Variants in SLC39A9 observed in about 807,000 individuals in gnomAD.
The protein encoded by SLC39A9 is solute carrier family 39 member 9.
In SLC39A9, 14 loss-of-function variants were observed where a neutral mutation model predicts 28.4. The ratio of observed to expected loss-of-function variants is 0.49; its 90% CI spans 0.33 to 0.77. The LOEUF (loss-of-function observed/expected upper bound fraction) is 0.77. Among genes scored for constraint, SLC39A9 ranks in the 30% least tolerant of loss-of-function variants. The pLI, the probability that SLC39A9 is intolerant of heterozygous loss-of-function variation, is 0.02. For missense variants in SLC39A9, 283 were observed against 381.1 expected (o/e 0.74, Z 2.14); for synonymous variants, 119 against 149.6 (o/e 0.80, Z 1.49).
chr14:69,460,612 T>C lies in SLC39A9; in HGVS notation c.*2019T>C. 1 of 985,488 alleles carries C rather than the reference T, an allele frequency of 1.0e-6. No homozygotes were observed. The highest frequency in any genetic ancestry group is 1.2e-6 in the Non-Finnish European group (1 of 829,954). The allele number at this position is 985,488 out of a possible 1,614,324, so 61.0% of individuals were successfully genotyped here. A position where few individuals can be genotyped will look rare whatever the true frequency, so the allele number is the denominator to read the frequency against. ...TGTTGTGTGCAATGGTAATTTGTTC[T>C]ACTGGCCAAAGCCTCTTTCAGCAGT... is the stretch of plus-strand genomic sequence containing the variant. On this transcript the variant is annotated 3_prime_UTR_variant, in exon 7 of 7. Coordinates refer to ENST00000336643, the MANE Select transcript of SLC39A9 (RefSeq NM_018375.5).
intron 2 of SLC39A9, among the ~76,000 whole-genome samples, chr14:69,424,803 CAT>C (rs1470776371): frequency 9.2e-5 from 14 of 152,096 alleles, no homozygotes; most frequent in African/African-American, 3.4e-4. Flanking sequence ...CCGATTACTA[CAT>C]GTCATGAAAC....
chr14:69,416,963 C>T (rs538349304), intron 1 of SLC39A9, among the ~76,000 whole-genome samples: 1 of 152,302 alleles, frequency 6.6e-6, no homozygotes, highest in African/African-American at 2.4e-5. Flanking sequence ...CGTGCAGAAG[C>T]TCTTTAGTTT....
rs765846616 is a variant in SLC39A9 at position 69,399,388 on chromosome 14, A to G, written c.19A>G (p.Ile7Val). 4.3e-6 allele frequency: 7 copies of G among 1,613,952 alleles called. No homozygotes were observed. The highest frequency in any genetic ancestry group is 5.1e-6 in the Non-Finnish European group (6 of 1,179,970). Residue 7 changes from isoleucine (I) to valine (V), a missense_variant, in exon 1 of 7, where the codon ATT (isoleucine) becomes GTT (valine). Physicochemically the swap from Ile to Val is conservative, Grantham distance 29. Coordinates refer to ENST00000336643, the MANE Select transcript of SLC39A9 (RefSeq NM_018375.5). MDDFISISLLSLAMLVG... is the reference protein window; with the variant it reads MDDFISVSLLSLAMLVG... ...GGGCAGAATGGATGATTTCATCTCC[A>G]TTAGCCTGCTGTCTCTGGCTATGTT...
intron 2 of SLC39A9, among the ~76,000 whole-genome samples, chr14:69,438,395 C>G (rs1345526815): frequency 1.3e-5 from 2 of 152,210 alleles, no homozygotes; most frequent in Non-Finnish European, 2.9e-5. Context: ...CATGTTACTA[C>G]AGCCTATGGT....
At chr14:69,454,390 C>T (rs1358500842) in intron 4 of SLC39A9, among the ~76,000 whole-genome samples, 1 of 152,238 alleles carries the variant, frequency 6.6e-6, no homozygotes, top group African/African-American at 2.4e-5. Flanking sequence ...CTGCCTCAGC[C>T]TCCCAAGTAG....
At chr14:69,458,240 A>G in intron 6 of SLC39A9, 123 bp from the exon 7 acceptor site, 2 of 1,208,282 alleles carry the variant, frequency 1.7e-6, no homozygotes, top group Admixed American at 4.5e-5. Context: ...TGTGTTCTCT[A>G]GATGTCCCCA....
chr14:69,445,577 T>C (rs1320731468), intron 3 of SLC39A9, among the ~76,000 whole-genome samples: 1 of 152,214 alleles, frequency 6.6e-6, no homozygotes, highest in Non-Finnish European at 1.5e-5. Flanking sequence ...TGTATGTGGA[T>C]TTTTGACTGT....
chr14:69,458,248 C>T, intron 6 of SLC39A9, 115 bp from the exon 7 acceptor site: 1 of 1,309,320 alleles, frequency 7.6e-7, no homozygotes, highest in Middle Eastern at 1.9e-4. Flanking sequence ...CTAGATGTCC[C>T]CAGTGTCCTA....
At chr14:69,443,996 G>A (rs1167966617) in intron 3 of SLC39A9, among the ~76,000 whole-genome samples, 2 of 152,032 alleles carry the variant, frequency 1.3e-5, no homozygotes, top group African/African-American at 4.8e-5. Context: ...GATCAGCCTG[G>A]GAGACATGGT....
chr14:69,426,724 G>A (rs1441119826), intron 2 of SLC39A9, among the ~76,000 whole-genome samples: 4 of 152,224 alleles, frequency 2.6e-5, no homozygotes, highest in African/African-American at 9.6e-5. Flanking sequence ...GCAGGAGAAG[G>A]TCAGAAGCCT....
chr14:69,437,057 C>T (rs1010971299), intron 2 of SLC39A9, among the ~76,000 whole-genome samples: 1 of 152,072 alleles, frequency 6.6e-6, no homozygotes. Context: ...TTAGTAGAGA[C>T]GGGGTTTCAC....
At position 69,460,549 on chromosome 14, in the gene SLC39A9, G is replaced by A; in HGVS notation, c.*1956G>A. ...TGTCAAATAAATAGCAGATTGTAGT[G>A]TCTGGTTTGGTTTGGACAGTAGTGC... is the stretch of plus-strand genomic sequence containing the variant. On this transcript the variant is annotated 3_prime_UTR_variant, in exon 7 of 7. Transcript: ENST00000336643. 1 of 985,418 alleles carries A rather than the reference G, an allele frequency of 1.0e-6. No homozygotes were observed. The highest frequency in any genetic ancestry group is 1.2e-6 in the Non-Finnish European group (1 of 829,920). The allele number at this position is 985,418 out of a possible 1,614,324, so 61.0% of individuals were successfully genotyped here. A position where few individuals can be genotyped will look rare whatever the true frequency, so the allele number is the denominator to read the frequency against.
At position 69,460,184 on chromosome 14, in the gene SLC39A9, C is replaced by T. The variant is rs191578937; in HGVS notation, c.*1591C>T. 331 of 985,752 alleles carry T rather than the reference C, an allele frequency of 3.4e-4. No homozygotes were observed. Among genetic ancestry groups the T allele is most frequent in the Admixed American group, 4.9e-4 (8 of 16,268 alleles). 61.1% of individuals were successfully genotyped at this position (985,752 alleles called of 1,614,324 possible). On this transcript the variant is annotated 3_prime_UTR_variant, in exon 7 of 7. Transcript: ENST00000336643. ...GGAACCAAGACTAGTTTCTTCAGGG[C>T]AGTGGACGTAGTAGTTTGTAAAAAC... is the stretch of plus-strand genomic sequence containing the variant.
At chr14:69,434,633 C>T (rs375162681) in intron 2 of SLC39A9, among the ~76,000 whole-genome samples, 24 of 152,006 alleles carry the variant, frequency 1.6e-4, no homozygotes, top group East Asian at 9.7e-4. Context: ...ATGATTATGC[C>T]GCTGCACTCT....
intron 3 of SLC39A9, among the ~76,000 whole-genome samples, chr14:69,450,248 T>C (rs1885542009): frequency 6.6e-6 from 1 of 151,976 alleles, no homozygotes; most frequent in African/African-American, 2.4e-5. Flanking sequence ...AAGCTAGCCT[T>C]CTCCCAGGGT....
At chr14:69,404,559 C>A (rs1261504541) in intron 1 of SLC39A9, among the ~76,000 whole-genome samples, 1 of 152,104 alleles carries the variant, frequency 6.6e-6, no homozygotes, top group Non-Finnish European at 1.5e-5. Flanking sequence ...TAACTTTGTT[C>A]TAATTTATAA....
chr14:69,461,926 T>C lies in SLC39A9; in HGVS notation c.*3333T>C. On this transcript the variant is annotated 3_prime_UTR_variant, in exon 7 of 7. Transcript: ENST00000336643. ...CTGTAGTTGTTCTGCAGAGGAACCT[T>C]CCTTCCATTAGAAAATTTCTGCTCA... 1 of 548,194 alleles carries C rather than the reference T, an allele frequency of 1.8e-6. No individual in the cohort carries two copies. Among genetic ancestry groups the C allele is most frequent in the East Asian group, 2.9e-5 (1 of 34,508 alleles). The allele number at this position is 548,194 out of a possible 1,614,324, so 34.0% of individuals were successfully genotyped here.
intron 2 of SLC39A9, among the ~76,000 whole-genome samples, chr14:69,431,224 G>A (rs1047829611): frequency 6.6e-6 from 1 of 152,032 alleles, no homozygotes; most frequent in Admixed American, 6.6e-5. Flanking sequence ...CATGTTTTTA[G>A]TAATTGTAAA....
intron 2 of SLC39A9, among the ~76,000 whole-genome samples, chr14:69,439,580 A>G (rs1884944722): frequency 6.6e-6 from 1 of 152,098 alleles, no homozygotes; most frequent in South Asian, 2.1e-4. Context: ...GGCATTTGCT[A>G]TGGTTTGGAT....
Sources: gnomAD v4.1 joint callset for allele counts (sites outside exome capture counted in the v4.1 genomes callset) on GRCh38, gnomAD v4.1.1 for gene constraint, MANE v1.5 for transcripts, NCBI Gene and HGNC (gene_info 2026-07-23, HGNC 2026-07-21) for gene names.